SBF2: variants seen among roughly 807,000 people sequenced by gnomAD.
SBF2 encodes the protein SET binding factor 2.
Under a neutral mutation model 225.2 loss-of-function variants are expected in SBF2, and 112 were observed. The ratio of observed to expected loss-of-function variants is 0.50; its 90% confidence interval spans 0.43 to 0.58. The LOEUF (loss-of-function observed/expected upper bound fraction) is 0.58, where lower values mean the gene tolerates loss of function less well. Among genes scored for constraint, SBF2 ranks in the 20% least tolerant of loss-of-function variants. The pLI is 0.00. For synonymous variants in SBF2, 763 were observed against 773.3 expected, an observed-to-expected ratio of 0.99 and a Z score of 0.22; for missense variants, 1,996 against 2,206.2, an observed-to-expected ratio of 0.90 and a Z score of 1.91.
chr11:10,063,443 T>G (rs1950519917), intron 2 of SBF2, among the ~76,000 whole-genome samples: 1 of 151,474 alleles, frequency 6.6e-6, no homozygotes, highest in Non-Finnish European at 1.5e-5. Flanking sequence ...CTGCAAGCCC[T>G]GCCTCCTAGG....
intron 17 of SBF2, among the ~76,000 whole-genome samples, chr11:9,871,385 GA>G (rs1434947982): frequency 1.3e-5 from 2 of 151,082 alleles, no homozygotes; most frequent in Non-Finnish European, 2.9e-5. Flanking sequence ...ACAAACATAT[GA>G]AAAAAAGCTC....
intron 2 of SBF2, among the ~76,000 whole-genome samples, chr11:10,043,310 A>G (rs1949726101): frequency 6.6e-6 from 1 of 152,218 alleles, no homozygotes; most frequent in Admixed American, 6.5e-5. Context: ...GGAATACATT[A>G]GAAATCAAGG....
At chr11:9,997,635 G>A (rs946807419) in intron 9 of SBF2, among the ~76,000 whole-genome samples, 13 of 152,238 alleles carry the variant, frequency 8.5e-5, no homozygotes, top group Admixed American at 1.3e-4. Context: ...AAAATTAGCC[G>A]GGCGTGGTGG....
At chr11:9,956,050 T>G (rs554992786) in intron 16 of SBF2, among the ~76,000 whole-genome samples, 1 of 152,146 alleles carries the variant, frequency 6.6e-6, no homozygotes, top group Non-Finnish European at 1.5e-5. Flanking sequence ...TTTTTATTTT[T>G]GTACAGAATT....
intron 16 of SBF2, among the ~76,000 whole-genome samples, chr11:9,897,401 C>T (rs1228347373): frequency 6.6e-6 from 1 of 152,084 alleles, no homozygotes; most frequent in African/African-American, 2.4e-5. Context: ...CCACACTCGG[C>T]TAATTTTTAT....
At chr11:10,072,734 CTT>C (rs912346358) in intron 2 of SBF2, among the ~76,000 whole-genome samples, 16 of 120,308 alleles carry the variant, frequency 1.3e-4, no homozygotes, top group East Asian at 4.6e-4. Flanking sequence ...TTTTTTTTTT[CTT>C]TTTTTTTTTT....
At chr11:10,141,836 T>C (rs1040078535) in intron 2 of SBF2, among the ~76,000 whole-genome samples, 1 of 152,170 alleles carries the variant, frequency 6.6e-6, no homozygotes, top group South Asian at 2.1e-4. Flanking sequence ...ATTACAAAAC[T>C]TGCATTCATC....
chr11:9,931,895 C>A (rs1443549601), intron 16 of SBF2, among the ~76,000 whole-genome samples: 1 of 152,056 alleles, frequency 6.6e-6, no homozygotes, highest in Non-Finnish European at 1.5e-5. Flanking sequence ...AAAGGTTAGA[C>A]GAATGGCTAA....
intron 1 of SBF2, chr11:10,272,362 T>G (rs1195825517): frequency 1.8e-6 from 1 of 559,598 alleles, no homozygotes; most frequent in Non-Finnish European, 3.0e-6. Context: ...TAGTTACCAG[T>G]TACTCACACA....
At chr11:10,167,793 G>A (rs753186213) in intron 2 of SBF2, among the ~76,000 whole-genome samples, 18 of 152,180 alleles carry the variant, frequency 1.2e-4, no homozygotes, top group Non-Finnish European at 2.5e-4. Flanking sequence ...TGAGGAAGGC[G>A]GATCACCTGA....
chr11:10,249,874 G>A (rs1960183836), intron 1 of SBF2, among the ~76,000 whole-genome samples: 1 of 148,770 alleles, frequency 6.7e-6, no homozygotes, highest in African/African-American at 2.5e-5. Context: ...GAATGCTATG[G>A]GGGAGTCCAT....
intron 2 of SBF2, among the ~76,000 whole-genome samples, chr11:10,184,966 T>C (rs1036911740): frequency 4.6e-5 from 7 of 152,068 alleles, no homozygotes; most frequent in Non-Finnish European, 8.8e-5. Context: ...AGTATTTGTG[T>C]TTTTTTGTGA....
At chr11:10,171,751 T>C (rs1320040127) in intron 2 of SBF2, among the ~76,000 whole-genome samples, 5 of 152,224 alleles carry the variant, frequency 3.3e-5, no homozygotes, top group Non-Finnish European at 7.3e-5. Flanking sequence ...TTAATAGAAT[T>C]CAGCAGTCAA....
chr11:9,891,704 TA>T (rs1860834728), intron 17 of SBF2, among the ~76,000 whole-genome samples: 2 of 152,322 alleles, frequency 1.3e-5, no homozygotes, highest in Middle Eastern at 3.4e-3. Context: ...AAGGCTTCCG[TA>T]AGAGTTAATG....
chr11:10,130,642 T>C (rs1034930953), intron 2 of SBF2, among the ~76,000 whole-genome samples: 5 of 152,152 alleles, frequency 3.3e-5, no homozygotes, highest in African/African-American at 1.2e-4. Context: ...TAAATAAAAC[T>C]ATTCTCACTA....
chr11:10,198,210 T>C (rs926210582), intron 1 of SBF2, among the ~76,000 whole-genome samples: 1 of 152,214 alleles, frequency 6.6e-6, no homozygotes, highest in African/African-American at 2.4e-5. Flanking sequence ...ATGTATTTCT[T>C]AAATAGTAAA....
At chr11:10,264,381 T>C (rs1961730083) in intron 1 of SBF2, among the ~76,000 whole-genome samples, 1 of 152,104 alleles carries the variant, frequency 6.6e-6, no homozygotes, top group South Asian at 2.1e-4. Context: ...GAAGATTATA[T>C]AGGGAGATGC....
intron 1 of SBF2, among the ~76,000 whole-genome samples, chr11:10,214,422 G>C (rs983904794): frequency 1.3e-5 from 2 of 152,176 alleles, no homozygotes; most frequent in Non-Finnish European, 2.9e-5. Context: ...AGGAGATCCA[G>C]ACCATCCTGG....
chr11:9,899,065 A>C (rs80115326), intron 16 of SBF2, among the ~76,000 whole-genome samples: 3 of 148,008 alleles, frequency 2.0e-5, no homozygotes, highest in African/African-American at 4.9e-5. Flanking sequence ...TAAAAAAAAA[A>C]CAACAACAAA....
Sources: allele counts gnomAD v4.1 joint callset (sites outside exome capture counted in the v4.1 genomes callset), GRCh38; gene constraint gnomAD v4.1.1; transcripts MANE v1.5; gene names NCBI Gene and HGNC (gene_info 2026-07-23, HGNC 2026-07-21).